The following GOLM1 variants were observed in gnomAD, a reference collection of about 807,000 sequenced individuals.
The protein encoded by GOLM1 is golgi membrane protein 1.
A neutral mutation model predicts 50.5 loss-of-function variants in GOLM1; 31 were observed. The observed-to-expected ratio is 0.61, with a 90% CI of 0.46 to 0.83. The LOEUF (loss-of-function observed/expected upper bound fraction) is 0.83, where lower values mean the gene tolerates loss of function less well. Ranked by LOEUF, GOLM1 falls within the 40% of genes least tolerant of loss-of-function variation. The pLI is 0.00. For synonymous variants in GOLM1, 178 were observed against 192.8 expected, an observed-to-expected ratio of 0.92 and a Z score of 0.64; for missense variants, 491 against 501.3, an observed-to-expected ratio of 0.98 and a Z score of 0.20.
intron 3 of GOLM1, among the ~76,000 whole-genome samples, chr9:86,056,030 G>A (rs949169827): frequency 6.6e-6 from 1 of 152,102 alleles, no homozygotes; most frequent in African/African-American, 2.4e-5. Flanking sequence ...TACCCCCAGA[G>A]TTGATCTCCT....
intron 5 of GOLM1, 129 bp from the exon 6 acceptor site, chr9:86,040,997 TAAGAC>T: frequency 2.6e-6 from 2 of 770,918 alleles, no homozygotes; most frequent in Non-Finnish European, 4.3e-6. Context: ...AGAGGGCACT[TAAGAC>T]AGGGCAACAC....
chr9:86,040,720 GCAAAAA>G lies in GOLM1; in HGVS notation c.597+13_597+18del. On this transcript the variant is annotated intron_variant, in intron 6 of 9. Transcript: ENST00000388712. ...TAGGGGTACCTTCTAGAAACTCTTG[GCAAAAA>G]TTCCCCAGTTACCTGCTGTCTCTGG... 3 of 1,603,686 alleles carry G rather than the reference GCAAAAA, an allele frequency of 1.9e-6. No individual in the cohort carries two copies. In the East Asian group the frequency reaches 6.7e-5, roughly 36 times the overall value.
At position 86,033,363 on chromosome 9, in the gene GOLM1, C is replaced by T. The variant is rs1445863778; in HGVS notation, c.1048G>A (p.Asp350Asn). 1 of 1,612,336 alleles carries T rather than the reference C, an allele frequency of 6.2e-7. No homozygotes were observed. The highest frequency in any genetic ancestry group is 1.1e-5 in the South Asian group (1 of 91,030). The change falls in exon 9 of 10, where the codon GAC (aspartate) becomes AAC (asparagine). Residue 350 changes from aspartate to asparagine, a missense_variant. Asp to Asn is a conservative substitution (Grantham distance 23). Coordinates refer to ENST00000388712, the MANE Select transcript of GOLM1 (RefSeq NM_016548.4). ...RNQQKLRGED[D>N]YNMDENEAES... ...GCTTCATTTTCATCCATGTTGTAGT[C>T]ATCTTCTCCTCTCAGTTTCTGCTGG...
At chr9:86,098,430 A>G (rs773752014) in intron 1 of GOLM1, among the ~76,000 whole-genome samples, 3 of 152,184 alleles carry the variant, frequency 2.0e-5, no homozygotes, top group Non-Finnish European at 4.4e-5. Context: ...AAGCGCTGCT[A>G]AATACTTCAT....
chr9:86,055,382 C>T (rs974156546), intron 3 of GOLM1, among the ~76,000 whole-genome samples: 1 of 152,094 alleles, frequency 6.6e-6, no homozygotes, highest in Non-Finnish European at 1.5e-5. Flanking sequence ...GGAAACAGCT[C>T]GCTCTGCGTG....
In GOLM1 at chr9:86,026,695, C is replaced by G; in HGVS notation, c.*1122G>C. 19 of 983,036 alleles carry G rather than the reference C, an allele frequency of 1.9e-5. No homozygotes were observed. Among genetic ancestry groups the G allele is most frequent in the Non-Finnish European group, 2.3e-5 (19 of 827,826 alleles). 60.9% of individuals were successfully genotyped at this position (983,036 alleles called of 1,614,324 possible). ...AAGAGCCTATTTACCATAAATAATA[C>G]TAAGAACCAACTCAAGTCAAACCTT... is the stretch of plus-strand genomic sequence containing the variant. On this transcript the variant is annotated 3_prime_UTR_variant, in exon 10 of 10. Coordinates refer to ENST00000388712, the MANE Select transcript of GOLM1 (RefSeq NM_016548.4).
chr9:86,070,623 T>C (rs1487928209), intron 3 of GOLM1, among the ~76,000 whole-genome samples: 1 of 151,516 alleles, frequency 6.6e-6, no homozygotes, highest in Non-Finnish European at 1.5e-5. Flanking sequence ...TGAGGGAATC[T>C]CATCTTCCTC....
intron 3 of GOLM1, among the ~76,000 whole-genome samples, chr9:86,072,224 A>G (rs1174429407): frequency 6.6e-6 from 1 of 152,228 alleles, no homozygotes; most frequent in Non-Finnish European, 1.5e-5. Flanking sequence ...GAGACGGAGA[A>G]GGGGAACATA....
intron 1 of GOLM1, among the ~76,000 whole-genome samples, chr9:86,093,175 T>G (rs1835237097): frequency 6.6e-6 from 1 of 152,052 alleles, no homozygotes; most frequent in South Asian, 2.1e-4. Context: ...AGGTCAGGAA[T>G]TTGAGGCCAG....
At chr9:86,093,232 C>T (rs1835238348) in intron 1 of GOLM1, among the ~76,000 whole-genome samples, 1 of 152,086 alleles carries the variant, frequency 6.6e-6, no homozygotes, top group African/African-American at 2.4e-5. Flanking sequence ...ATACAATTAG[C>T]TGGGCATGGT....
intron 1 of GOLM1, among the ~76,000 whole-genome samples, chr9:86,082,025 C>CTT (rs35208119): frequency 0.095 from 7,998 of 84,486 alleles, 1,409 homozygotes; most frequent in African/African-American, 0.11. Context: ...ACCTGGGACA[C>CTT]TTTTTTTTTT....
At chr9:86,030,472 G>A (rs938593503) in intron 9 of GOLM1, among the ~76,000 whole-genome samples, 1 of 152,120 alleles carries the variant, frequency 6.6e-6, no homozygotes, top group African/African-American at 2.4e-5. Context: ...ACATCCTGGA[G>A]AAATATAAAA....
rs1229607760 is a variant in GOLM1, at chr9:86,026,298, A to AAAGT, written c.*1515_*1518dup. 5 of 983,988 alleles carry AAAGT rather than the reference A, an allele frequency of 5.1e-6. No individual in the cohort carries two copies. The African/African-American group carries it at 8.7e-5, about 17-fold the overall frequency. 61.0% of individuals were successfully genotyped at this position (983,988 alleles called of 1,614,324 possible). On this transcript the variant is annotated 3_prime_UTR_variant, in exon 10 of 10. Transcript: ENST00000388712. ...CTGGAAGAGGACTTAGAAGAGTATGAAAGTACTCTAAGATTTTATCTAAGT... is the reference window on the plus strand; with the variant it reads ...CTGGAAGAGGACTTAGAAGAGTATGAAAGTAAGTACTCTAAGATTTTATCTAAGT...
chr9:86,029,704 GAC>G (rs1281527359), intron 9 of GOLM1, among the ~76,000 whole-genome samples: 1 of 152,140 alleles, frequency 6.6e-6, no homozygotes, highest in African/African-American at 2.4e-5. Context: ...CTGTTTCAAT[GAC>G]ACAATCTTAA....
At chr9:86,057,073 G>A (rs751593142) in intron 3 of GOLM1, among the ~76,000 whole-genome samples, 3 of 152,046 alleles carry the variant, frequency 2.0e-5, no homozygotes, top group Non-Finnish European at 4.4e-5. Flanking sequence ...TGTACTTCCT[G>A]GTGTTTGTAA....
At chr9:86,052,805 C>T (rs1269325911) in intron 3 of GOLM1, among the ~76,000 whole-genome samples, 2 of 111,810 alleles carry the variant, frequency 1.8e-5, no homozygotes, top group Non-Finnish European at 4.0e-5. Flanking sequence ...GCCTCTGGAC[C>T]CGAGCAAAAG....
chr9:86,065,566 C>T (rs769265604), intron 3 of GOLM1, among the ~76,000 whole-genome samples: 96 of 152,140 alleles, frequency 6.3e-4, no homozygotes, highest in Non-Finnish European at 1.8e-4. Context: ...CATCTGGCCA[C>T]AGGAGAATGC....
At chr9:86,077,090 G>C (rs965245254) in intron 3 of GOLM1, among the ~76,000 whole-genome samples, 2 of 152,002 alleles carry the variant, frequency 1.3e-5, no homozygotes, top group African/African-American at 4.8e-5. Context: ...GCCTGGCACA[G>C]AGTAGGTATT....
chr9:86,091,608 G>T (rs1021533270), intron 1 of GOLM1, among the ~76,000 whole-genome samples: 3 of 152,132 alleles, frequency 2.0e-5, no homozygotes, highest in African/African-American at 7.2e-5. Context: ...GCCCAGGCTG[G>T]AGTGCAGTGG....
Sources: gnomAD v4.1 joint callset for allele counts (sites outside exome capture counted in the v4.1 genomes callset) on GRCh38, gnomAD v4.1.1 for gene constraint, MANE v1.5 for transcripts, NCBI Gene and HGNC (gene_info 2026-07-23, HGNC 2026-07-21) for gene names.